The following MIPOL1 variants were observed in gnomAD, a reference collection of about 807,000 sequenced individuals.
MIPOL1 encodes mirror-image polydactyly 1, also known as mirror-image polydactyly gene 1 protein.
In MIPOL1, 57 loss-of-function variants were observed where a neutral mutation model predicts 60.9. The observed-to-expected ratio is 0.94, with a 90% CI of 0.76 to 1.17. The LOEUF (loss-of-function observed/expected upper bound fraction) is 1.17. MIPOL1 is among the 50% of genes most tolerant of loss of function. The pLI is 0.00. For missense variants in MIPOL1, 551 were observed against 511.6 expected (o/e 1.08, Z -0.74); for synonymous variants, 179 against 168.8 (o/e 1.06, Z -0.47).
chr14:37,520,926 CTT>C (rs11299536), intron 12 of MIPOL1, among the ~76,000 whole-genome samples: 5,533 of 47,784 alleles, frequency 0.12, 201 homozygotes, highest in Non-Finnish European at 0.14. Context: ...TAACATTTTA[CTT>C]TTTTTTTTTT....
At chr14:37,361,599 TCCC>T (rs2092248197) in intron 9 of MIPOL1, among the ~76,000 whole-genome samples, 1 of 144,992 alleles carries the variant, frequency 6.9e-6, no homozygotes, top group Non-Finnish European at 1.5e-5. Flanking sequence ...TTTTTGTTTC[TCCC>T]TCTCTCTCTT....
intron 11 of MIPOL1, among the ~76,000 whole-genome samples, chr14:37,426,486 T>C (rs1033746063): frequency 6.7e-6 from 1 of 149,270 alleles, no homozygotes; most frequent in African/African-American, 2.5e-5. Flanking sequence ...GGAGAATCAC[T>C]TGAGGTGGAG....
intron 12 of MIPOL1, among the ~76,000 whole-genome samples, chr14:37,516,378 G>A (rs2095369323): frequency 6.6e-6 from 1 of 152,078 alleles, no homozygotes; most frequent in Non-Finnish European, 1.5e-5. Flanking sequence ...GCCAAAATTA[G>A]AGTTTATATT....
chr14:37,524,565 CTTTTCTT>C (rs1319618906), intron 12 of MIPOL1, among the ~76,000 whole-genome samples: 1 of 124,848 alleles, frequency 8.0e-6, no homozygotes, highest in African/African-American at 3.1e-5. Flanking sequence ...TTTTCTTTTT[CTTTTCTT>C]TTTTTTTTTT....
At chr14:37,298,204 G>C (rs1219835883) in intron 7 of MIPOL1, among the ~76,000 whole-genome samples, 1 of 152,188 alleles carries the variant, frequency 6.6e-6, no homozygotes, top group African/African-American at 2.4e-5. Flanking sequence ...ATGGGGAAAG[G>C]ATTCCCTATT....
chr14:37,344,107 AC>A (rs1233580364), intron 9 of MIPOL1, among the ~76,000 whole-genome samples: 1 of 152,110 alleles, frequency 6.6e-6, no homozygotes. Context: ...TCATTATCAC[AC>A]CAAAAGGAGT....
chr14:37,458,011 A>G (rs1293952534), intron 11 of MIPOL1, among the ~76,000 whole-genome samples: 1 of 152,154 alleles, frequency 6.6e-6, no homozygotes, highest in Non-Finnish European at 1.5e-5. Context: ...CAGATGGAAA[A>G]CAAAAATGAG....
At chr14:37,393,555 G>A (rs1421463378) in intron 10 of MIPOL1, among the ~76,000 whole-genome samples, 1 of 151,608 alleles carries the variant, frequency 6.6e-6, no homozygotes, top group Non-Finnish European at 1.5e-5. Flanking sequence ...GTTTTTTAGT[G>A]ATCATCAAGC....
At chr14:37,396,326 T>C (rs1436765081) in intron 10 of MIPOL1, among the ~76,000 whole-genome samples, 2 of 152,168 alleles carry the variant, frequency 1.3e-5, no homozygotes, top group African/African-American at 2.4e-5. Context: ...GCTTGTAGGG[T>C]TTCAGCTGAG....
At chr14:37,236,724 T>C (rs898915887) in intron 1 of MIPOL1, among the ~76,000 whole-genome samples, 4 of 152,096 alleles carry the variant, frequency 2.6e-5, no homozygotes, top group Non-Finnish European at 5.9e-5. Flanking sequence ...AGGTGTGAGC[T>C]ACCACGCCTG....
chr14:37,451,808 C>CTTTTTTTTTT (rs535978128), intron 11 of MIPOL1, among the ~76,000 whole-genome samples: 7 of 84,574 alleles, frequency 8.3e-5, no homozygotes, highest in African/African-American at 3.2e-4. Flanking sequence ...TTTATTCTCT[C>CTTTTTTTTTT]TTTTTTTTTT....
chr14:37,498,626 G>C (rs1329515940), intron 11 of MIPOL1, among the ~76,000 whole-genome samples: 1 of 152,098 alleles, frequency 6.6e-6, no homozygotes, highest in Non-Finnish European at 1.5e-5. Flanking sequence ...ATGAAAAAAG[G>C]TATTTTTTGC....
chr14:37,544,878 T>A (rs1210361609), intron 12 of MIPOL1, among the ~76,000 whole-genome samples: 1 of 151,962 alleles, frequency 6.6e-6, no homozygotes, highest in Non-Finnish European at 1.5e-5. Flanking sequence ...CATATAAGAG[T>A]TCTAAATGGA....
chr14:37,320,342 G>C (rs901203839), intron 9 of MIPOL1, among the ~76,000 whole-genome samples: 2 of 152,028 alleles, frequency 1.3e-5, no homozygotes, highest in Admixed American at 6.6e-5. Context: ...CAATCATTCT[G>C]ATGGGTGTAT....
chr14:37,369,395 G>C, intron 9 of MIPOL1, 122 bp from the exon 10 acceptor site: 1 of 385,988 alleles, frequency 2.6e-6, no homozygotes, highest in South Asian at 4.0e-5. Flanking sequence ...TACCATTCTT[G>C]TTGCAAAAAA....
intron 11 of MIPOL1, among the ~76,000 whole-genome samples, chr14:37,455,293 T>G (rs1026476370): frequency 9.2e-5 from 14 of 152,316 alleles, no homozygotes; most frequent in African/African-American, 2.6e-4. Flanking sequence ...CAGATCTTCA[T>G]TATATATCAC....
At chr14:37,406,121 T>C (rs1448775700) in intron 10 of MIPOL1, among the ~76,000 whole-genome samples, 5 of 152,252 alleles carry the variant, frequency 3.3e-5, no homozygotes, top group East Asian at 1.9e-4. Context: ...TGGTGCTTAT[T>C]TGAGTATCCA....
chr14:37,266,971 C>T lies in MIPOL1; in HGVS notation c.53C>T (p.Thr18Met), dbSNP rs142126137. 68 of 1,612,728 alleles carry T rather than the reference C, an allele frequency of 4.2e-5. No homozygotes were observed. The highest frequency in any genetic ancestry group is 2.7e-4 in the African/African-American group (20 of 74,782). ...ITHSYLEQET[T>M]GINKSTQPDE... ...CACAGTTATCTTGAACAAGAAACTA[C>T]GGGGATAAATAAAAGTACGCAGCCA... Residue 18 changes from threonine to methionine, a missense_variant, in exon 4 of 13, where the codon ACG (threonine) becomes ATG (methionine). Thr to Met is a moderately conservative substitution (Grantham distance 81). Coordinates refer to ENST00000684589, the MANE Select transcript of MIPOL1 (RefSeq NM_001388067.1).
intron 7 of MIPOL1, among the ~76,000 whole-genome samples, chr14:37,289,411 C>T (rs767034391): frequency 5.9e-5 from 9 of 152,196 alleles, no homozygotes; most frequent in South Asian, 2.1e-4. Flanking sequence ...AGACAAAAAT[C>T]GTTAAGTCCA....
Sources: gnomAD v4.1 joint callset for allele counts (sites outside exome capture counted in the v4.1 genomes callset) on GRCh38, gnomAD v4.1.1 for gene constraint, MANE v1.5 for transcripts, NCBI Gene and HGNC (gene_info 2026-07-23, HGNC 2026-07-21) for gene names.